Variants in SHANK2 observed in about 807,000 individuals in gnomAD.
The protein encoded by SHANK2 is SH3 and multiple ankyrin repeat domains 2, also known as SH3 and multiple ankyrin repeat domains protein 2.
Under a neutral mutation model 133.7 loss-of-function variants are expected in SHANK2, and 43 were observed. The ratio of observed to expected loss-of-function variants is 0.32; its 90% confidence interval spans 0.25 to 0.41. The LOEUF (loss-of-function observed/expected upper bound fraction) is 0.41, where lower values mean the gene tolerates loss of function less well. Among genes scored for constraint, SHANK2 ranks in the 10% least tolerant of loss-of-function variants. SHANK2 has a pLI of 1.00. For missense variants in SHANK2, 1,994 were observed against 2,235.8 expected (o/e 0.89, Z 2.18); for synonymous variants, 1,017 against 952.8 (o/e 1.07, Z -1.24).
At chr11:70,636,761 TGTGTGTGAG>T (rs2061104029) in intron 17 of SHANK2, among the ~76,000 whole-genome samples, 1 of 151,048 alleles carries the variant, frequency 6.6e-6, no homozygotes, top group Non-Finnish European at 1.5e-5. Context: ...TGTGTGAGCA[TGTGTGTGAG>T]CATCTGTGTG....
chr11:71,091,371 C>T (rs1317998468), intron 8 of SHANK2, among the ~76,000 whole-genome samples: 2 of 152,154 alleles, frequency 1.3e-5, no homozygotes, highest in Admixed American at 1.3e-4. Flanking sequence ...TGCTGGCACC[C>T]CCACTGCCCA....
chr11:70,494,732 G>A (rs1342612467), intron 21 of SHANK2, among the ~76,000 whole-genome samples: 2 of 152,150 alleles, frequency 1.3e-5, no homozygotes, highest in African/African-American at 4.8e-5. Context: ...CCTGGACCAC[G>A]TTTCCAGTTG....
chr11:70,694,078 G>C lies in SHANK2; in HGVS notation c.1853+4610C>G, dbSNP rs372339064. On this transcript the variant is annotated intron_variant, in intron 15 of 25. Transcript: ENST00000601538. ...GGTAGATTTCTCTGGAGTATCCCAT[G>C]ATGAGGCTGGGGATTTGGTTAACGA... is the stretch of plus-strand genomic sequence containing the variant. Among the ~76,000 whole-genome samples the C allele has an allele frequency of 3.4e-4, 52 of 152,342 alleles. No homozygotes were observed. In the East Asian group the frequency reaches 7.5e-3, roughly 22 times the overall value.
At chr11:70,681,350 T>A (rs529306477) in intron 15 of SHANK2, among the ~76,000 whole-genome samples, 1 of 152,288 alleles carries the variant, frequency 6.6e-6, no homozygotes, top group Non-Finnish European at 1.5e-5. Flanking sequence ...GCCCATCATT[T>A]GATGCTGCCA....
In SHANK2 at chr11:70,886,120, G is replaced by A. The variant is rs901371162; in HGVS notation, c.1174+10381C>T. Among the ~76,000 whole-genome samples, 8 of 152,004 alleles carry A rather than the reference G, an allele frequency of 5.3e-5. No homozygotes were observed. The East Asian group carries it at 1.4e-3, about 26-fold the overall frequency. ...CACACACACAGACCGGAAACCACAC[G>A]CAGACTTGCACAGCTCACTCGGTCC... On this transcript the variant is annotated intron_variant, in intron 11 of 25. Transcript: ENST00000601538.
chr11:70,656,580 T>C lies in SHANK2; in HGVS notation c.2061+3248A>G, dbSNP rs963145277. On this transcript the variant is annotated intron_variant, in intron 17 of 25. Transcript: ENST00000601538. ...CATTTCACAATCTGGGACGGCTTAGTGTCACTGTCTATCCTGGGAATTCCG... is the reference window on the plus strand; with the variant it reads ...CATTTCACAATCTGGGACGGCTTAGCGTCACTGTCTATCCTGGGAATTCCG... Among the ~76,000 whole-genome samples the C allele has an allele frequency of 9.9e-5, 15 of 152,246 alleles. No homozygotes were observed. In the South Asian group the frequency reaches 1.7e-3, roughly 17 times the overall value.
chr11:70,955,405 G>A (rs571299069), intron 10 of SHANK2, among the ~76,000 whole-genome samples: 98 of 148,032 alleles, frequency 6.6e-4, no homozygotes, highest in African/African-American at 2.4e-3. Context: ...GGGTTCTCCA[G>A]AGACACAGAC....
At chr11:70,683,262 T>C (rs1249477047) in intron 15 of SHANK2, among the ~76,000 whole-genome samples, 2 of 152,170 alleles carry the variant, frequency 1.3e-5, no homozygotes, top group African/African-American at 2.4e-5. Flanking sequence ...CCACCGTGCC[T>C]GGCCACTTCC....
At chr11:71,132,587 T>C (rs192991814) in intron 3 of SHANK2, among the ~76,000 whole-genome samples, 1 of 152,312 alleles carries the variant, frequency 6.6e-6, no homozygotes, top group East Asian at 1.9e-4. Context: ...ACGGAGACCC[T>C]GCAAACTGGG....
chr11:70,746,508 G>T (rs369995475), intron 14 of SHANK2, among the ~76,000 whole-genome samples: 1 of 148,170 alleles, frequency 6.7e-6, no homozygotes, highest in African/African-American at 2.5e-5. Flanking sequence ...GATGCGGGGT[G>T]CCCCGTGCTC....
At chr11:70,612,995 T>C (rs906995633) in intron 17 of SHANK2, among the ~76,000 whole-genome samples, 1 of 152,164 alleles carries the variant, frequency 6.6e-6, no homozygotes, top group Non-Finnish European at 1.5e-5. Context: ...TCACAGGCAC[T>C]TGCATCATTT....
chr11:70,748,641 T>C (rs1468169186), intron 14 of SHANK2, among the ~76,000 whole-genome samples: 1 of 152,156 alleles, frequency 6.6e-6, no homozygotes, highest in East Asian at 1.9e-4. Flanking sequence ...AATTCACAGA[T>C]ACTAGAAACT....
chr11:70,739,854 CCA>C lies in SHANK2; in HGVS notation c.1778-41093_1778-41092del, dbSNP rs1418455475. Among the ~76,000 whole-genome samples the C allele has an allele frequency of 2.6e-5, 4 of 152,242 alleles. No homozygotes were observed. Among genetic ancestry groups the C allele is most frequent in the Non-Finnish European group, 4.4e-5 (3 of 68,038 alleles). ...GACACACGAGGCACCAGGGAGGCAC[CCA>C]CAGAGGACGGCCACGTGAAGACAGG... On this transcript the variant is annotated intron_variant, in intron 14 of 25. Transcript: ENST00000601538. The surrounding 1 kb of genome is among the most constrained non-coding windows in gnomAD (Gnocchi z 4.3).
At chr11:70,785,574 G>A (rs1329856709) in intron 14 of SHANK2, among the ~76,000 whole-genome samples, 1 of 152,214 alleles carries the variant, frequency 6.6e-6, no homozygotes, top group African/African-American at 2.4e-5. Flanking sequence ...CCCAGTGAAT[G>A]CCACTACCTC....
chr11:70,703,658 G>A (rs1353368623), intron 14 of SHANK2, among the ~76,000 whole-genome samples: 3 of 152,160 alleles, frequency 2.0e-5, no homozygotes, highest in Non-Finnish European at 4.4e-5. Flanking sequence ...GGGAGGAGCA[G>A]GAGGTCAGGG....
chr11:70,810,350 G>A (rs1230799267), intron 12 of SHANK2, among the ~76,000 whole-genome samples: 1 of 152,230 alleles, frequency 6.6e-6, no homozygotes, highest in Non-Finnish European at 1.5e-5. Flanking sequence ...GGGCTGGACT[G>A]GCACAGGACC....
In SHANK2 at chr11:70,599,597, C is replaced by T. The variant is rs1169235822; in HGVS notation, c.2061+60231G>A. Among the ~76,000 whole-genome samples the T allele has an allele frequency of 2.6e-4, 17 of 64,568 alleles. 3 individuals are homozygous for T. The highest frequency in any genetic ancestry group is 3.9e-4 in the Non-Finnish European group (14 of 35,908). The allele number at this position is 64,568 out of a possible 152,430, so 42.4% of individuals were successfully genotyped here. ...CACTCCAGCCTGGGCGACAGCGAGA[C>T]TCCGTCTCAAAAAAAAAAAAAAAAA... On this transcript the variant is annotated intron_variant, in intron 17 of 25. Transcript: ENST00000601538.
chr11:71,121,544 T>C (rs1484468744), intron 3 of SHANK2, among the ~76,000 whole-genome samples: 3 of 152,240 alleles, frequency 2.0e-5, no homozygotes, highest in Admixed American at 6.5e-5. Flanking sequence ...TAGTTTCTTT[T>C]GCTGTGCAGA....
chr11:71,112,258 T>C (rs567077229), intron 5 of SHANK2, among the ~76,000 whole-genome samples: 1 of 152,210 alleles, frequency 6.6e-6, no homozygotes, highest in African/African-American at 2.4e-5. Flanking sequence ...CCAGGCATGG[T>C]GGTGCATGCC....
Sources: gnomAD v4.1 joint callset for allele counts (sites outside exome capture counted in the v4.1 genomes callset) on GRCh38, gnomAD v4.1.1 for gene constraint, Gnocchi (gnomAD v3.1) non-coding constraint, MANE v1.5 for transcripts, NCBI Gene and HGNC (gene_info 2026-07-23, HGNC 2026-07-21) for gene names.